The following SAMD9L variants were observed in gnomAD, a reference collection of about 807,000 sequenced individuals.
SAMD9L encodes the protein sterile alpha motif domain-containing protein 9-like.
In SAMD9L, 68 loss-of-function variants were observed where a neutral mutation model predicts 90.7. The observed-to-expected ratio is 0.75, with a 90% CI of 0.62 to 0.92. The LOEUF is 0.92. SAMD9L is among the 40% of genes least tolerant of loss of function. The pLI, the probability that SAMD9L is intolerant of heterozygous loss-of-function variation, is 0.00. For missense variants in SAMD9L, 1,604 were observed against 1,824.3 expected (o/e 0.88, Z 2.20); for synonymous variants, 640 against 630.1 (o/e 1.02, Z -0.23).
At chr7:93,141,938 T>A (rs1792706691) in intron 4 of SAMD9L, among the ~76,000 whole-genome samples, 2 of 152,306 alleles carry the variant, frequency 1.3e-5, no homozygotes, top group South Asian at 4.1e-4. Context: ...CCCCACTGTC[T>A]TTTTGACCTC....
chr7:93,131,108 G>A lies in SAMD9L; in HGVS notation c.*109C>T, dbSNP rs1237431571. 13 of 683,692 alleles carry A rather than the reference G, an allele frequency of 1.9e-5. No homozygotes were observed. The highest frequency in any genetic ancestry group is 2.6e-5 in the Non-Finnish European group (12 of 453,262). 42.4% of individuals were successfully genotyped at this position (683,692 alleles called of 1,614,324 possible). On this transcript the variant is annotated 3_prime_UTR_variant, in exon 5 of 5. Coordinates refer to ENST00000318238, the MANE Select transcript of SAMD9L (RefSeq NM_152703.5). ...ATTCAGGGAGGCAAAAGCAAAATCTGTAATTAGAGGTTAGCCATAATGTTA... is the reference window on the plus strand; with the variant it reads ...ATTCAGGGAGGCAAAAGCAAAATCTATAATTAGAGGTTAGCCATAATGTTA...
intron 4 of SAMD9L, among the ~76,000 whole-genome samples, chr7:93,140,383 A>G (rs1173715303): frequency 6.6e-6 from 1 of 151,862 alleles, no homozygotes; most frequent in Non-Finnish European, 1.5e-5. Context: ...GAATTGCTGG[A>G]CAATGGCCCT....
intron 4 of SAMD9L, among the ~76,000 whole-genome samples, chr7:93,144,377 T>C (rs182328468): frequency 2.6e-5 from 4 of 152,362 alleles, no homozygotes; most frequent in African/African-American, 9.6e-5. Flanking sequence ...AGACTTGTTT[T>C]TATTGTCACT....
At chr7:93,140,237 A>G (rs1392902000) in intron 4 of SAMD9L, among the ~76,000 whole-genome samples, 3 of 146,596 alleles carry the variant, frequency 2.0e-5, no homozygotes, top group Non-Finnish European at 4.4e-5. Flanking sequence ...AGCATGCTGA[A>G]CAATGGCCCT....
chr7:93,140,974 A>G (rs544974259), intron 4 of SAMD9L, among the ~76,000 whole-genome samples: 2 of 152,188 alleles, frequency 1.3e-5, no homozygotes. Context: ...AGATCTGTCT[A>G]CACTTTCTGT....
chr7:93,132,842 G>C lies in SAMD9L; in HGVS notation c.3130C>G (p.Arg1044Gly). 1 of 1,613,668 alleles carries C rather than the reference G, an allele frequency of 6.2e-7. No homozygotes were observed. Among genetic ancestry groups the C allele is most frequent in the East Asian group, 2.2e-5 (1 of 44,856 alleles). Reference protein sequence around the residue: ...DVQTLLLTRQRKVYGDETDTL... With the variant: ...DVQTLLLTRQGKVYGDETDTL... ...TCTGTTTCATCTCCATACACCTTGC[G>C]CTGTCTTGTAAGCAGAAGAGTTTGA... Residue 1044 changes from arginine (R) to glycine (G), a missense_variant, in exon 5 of 5, where the codon CGC becomes GGC. This residue lies in a region of SAMD9L where 302 missense variants were observed against 314.7 expected (regional missense o/e 0.96). Transcript: ENST00000318238.
At chr7:93,140,600 T>A (rs754395450) in intron 4 of SAMD9L, among the ~76,000 whole-genome samples, 5 of 152,244 alleles carry the variant, frequency 3.3e-5, no homozygotes, top group Non-Finnish European at 7.3e-5. Context: ...GGTCACCTTG[T>A]TTCCCATTTA....
intron 4 of SAMD9L, among the ~76,000 whole-genome samples, chr7:93,139,078 T>C (rs933598085): frequency 6.6e-6 from 1 of 152,188 alleles, no homozygotes; most frequent in Non-Finnish European, 1.5e-5. Context: ...GACATTTTAA[T>C]ATATTTTGTA....
In SAMD9L at chr7:93,135,919, T is replaced by G. The variant is rs775639821; in HGVS notation, c.53A>C (p.His18Pro). ...GTCTTCATTTACCCATTTTTTCACATGCTCTTTGGTCCAGTCTTTAATCAT... is the reference window on the plus strand; with the variant it reads ...GTCTTCATTTACCCATTTTTTCACAGGCTCTTTGGTCCAGTCTTTAATCAT... ...PEMIKDWTKE[H>P]VKKWVNEDLK... The change falls in exon 5 of 5, where the codon CAT becomes CCT. Residue 18 changes from histidine (H) to proline (P), a missense_variant. By Grantham distance (77) the His-to-Pro change is moderately conservative. Transcript: ENST00000318238. The G allele has an allele frequency of 6.2e-7, 1 of 1,611,854 alleles. No individual in the cohort carries two copies.
rs772940634 is a variant in SAMD9L at position 93,131,804 on chromosome 7, G to T, written c.4168C>A (p.Leu1390Met). 3.1e-6 allele frequency: 5 copies of T among 1,613,428 alleles called. No individual in the cohort carries two copies. The East Asian group carries it at 6.7e-5, about 22-fold the overall frequency. The change falls in exon 5 of 5, where the codon CTG becomes ATG. Residue 1390 changes from leucine to methionine, a missense_variant. Leu to Met is a conservative substitution (Grantham distance 15). Transcript: ENST00000318238. ...TTGGAGTTGGGCTTTAGACAACTCA[G>T]AATAATGTTGGCCAAAATGGAATTT... ...KQNSILANII[L>M]SCLKPNSKLI...
Position 93,131,015 on chromosome 7 carries a change from G to T in SAMD9L, c.*202C>A, listed in dbSNP as rs746107853. 1.1e-5 allele frequency: 5 copies of T among 448,388 alleles called. No individual in the cohort carries two copies. The highest frequency in any genetic ancestry group is 2.0e-5 in the Non-Finnish European group (5 of 256,032). The allele number at this position is 448,388 out of a possible 1,614,324, so 27.8% of individuals were successfully genotyped here. ...AAAATGCATATTTAAAACATTAAAAGATTGACTCCACTTTGTGCCAAGCTC... is the reference window on the plus strand; with the variant it reads ...AAAATGCATATTTAAAACATTAAAATATTGACTCCACTTTGTGCCAAGCTC... On this transcript the variant is annotated 3_prime_UTR_variant, in exon 5 of 5. Coordinates refer to ENST00000318238, the MANE Select transcript of SAMD9L (RefSeq NM_152703.5).
At chr7:93,138,212 T>C (rs142727229) in intron 4 of SAMD9L, among the ~76,000 whole-genome samples, 40 of 152,244 alleles carry the variant, frequency 2.6e-4, no homozygotes, top group African/African-American at 9.1e-4. Context: ...CACTTGTGGG[T>C]CTTAAGGAGT....
rs368116461 is a variant in SAMD9L, at chr7:93,134,436, T to A, written c.1536A>T (p.Leu512=). The change falls in exon 5 of 5, where the codon CTA becomes CTT. Residue 512 remains leucine (L), a synonymous_variant. Coordinates refer to ENST00000318238, the MANE Select transcript of SAMD9L (RefSeq NM_152703.5). ...SDLKSETYKP[L]EPHLWQRERA... ...TTTCTCTCTGCCATAAATGTGGTTCTAGAGGTTTATATGTCTCGCTTTTCA... is the reference window on the plus strand; with the variant it reads ...TTTCTCTCTGCCATAAATGTGGTTCAAGAGGTTTATATGTCTCGCTTTTCA... 6.2e-7 allele frequency: 1 copy of A among 1,613,884 alleles called. No homozygotes were observed. Among genetic ancestry groups the A allele is most frequent in the African/African-American group, 1.3e-5 (1 of 74,928 alleles).
At chr7:93,142,329 C>G (rs917679466) in intron 4 of SAMD9L, among the ~76,000 whole-genome samples, 1 of 152,112 alleles carries the variant, frequency 6.6e-6, no homozygotes, top group Non-Finnish European at 1.5e-5. Flanking sequence ...TCACCAGGGC[C>G]TGACATAAAA....
chr7:93,143,640 G>C (rs1195697076), intron 4 of SAMD9L, among the ~76,000 whole-genome samples: 1 of 152,164 alleles, frequency 6.6e-6, no homozygotes, highest in East Asian at 1.9e-4. Context: ...TCATGTGTTA[G>C]TATGATAACA....
At chr7:93,139,054 T>G (rs1792574633) in intron 4 of SAMD9L, among the ~76,000 whole-genome samples, 3 of 152,176 alleles carry the variant, frequency 2.0e-5, no homozygotes, top group Admixed American at 2.0e-4. Context: ...TTTATATATT[T>G]TATACAGTTT....
chr7:93,138,674 T>G (rs1486393714), intron 4 of SAMD9L, among the ~76,000 whole-genome samples: 1 of 152,148 alleles, frequency 6.6e-6, no homozygotes, highest in Non-Finnish European at 1.5e-5. Flanking sequence ...GCCCCTTTAG[T>G]GGGTCTAAGG....
At position 93,133,423 on chromosome 7, in the gene SAMD9L, T is replaced by C. The variant is rs749054484; in HGVS notation, c.2549A>G (p.Lys850Arg). 1 of 1,613,410 alleles carries C rather than the reference T, an allele frequency of 6.2e-7. No individual in the cohort carries two copies. The highest frequency in any genetic ancestry group is 8.5e-7 in the Non-Finnish European group (1 of 1,179,402). ...MRSRNPDESA[K>R]LADSIALNYQ... ...ATTTAGTGCAATACTGTCTGCCAAT[T>C]TTGCACTTTCATCTGGATTCCGGGA... The change falls in exon 5 of 5, where the codon AAA becomes AGA. Residue 850 changes from lysine to arginine, a missense_variant. Physicochemically the swap from Lys to Arg is conservative, Grantham distance 26. Transcript: ENST00000318238.
At chr7:93,141,244 C>G (rs1393073895) in intron 4 of SAMD9L, among the ~76,000 whole-genome samples, 1 of 152,208 alleles carries the variant, frequency 6.6e-6, no homozygotes, top group East Asian at 1.9e-4. Context: ...CTCTCCACCT[C>G]TAAATGTTGA....
Sources: allele counts gnomAD v4.1 joint callset (sites outside exome capture counted in the v4.1 genomes callset), GRCh38; gene constraint gnomAD v4.1.1; regional missense constraint gnomAD v4.1.1; transcripts MANE v1.5; gene names NCBI Gene and HGNC (gene_info 2026-07-23, HGNC 2026-07-21).